FILIP1L: variants seen among roughly 807,000 people sequenced by gnomAD.
The protein encoded by FILIP1L is filamin A interacting protein 1 like, also known as filamin A-interacting protein 1-like.
A neutral mutation model predicts 96.6 loss-of-function variants in FILIP1L; 55 were observed. That is an observed-to-expected ratio of 0.57 (90% confidence interval 0.46 to 0.71). The LOEUF is 0.71. Ranked by LOEUF, FILIP1L falls within the 30% of genes least tolerant of loss-of-function variation. The pLI, the probability that FILIP1L is intolerant of heterozygous loss-of-function variation, is 0.00. For missense variants in FILIP1L, 1,304 were observed against 1,321.2 expected, an observed-to-expected ratio of 0.99 and a Z score of 0.20; for synonymous variants, 467 against 473.9, an observed-to-expected ratio of 0.99 and a Z score of 0.19.
chr3:99,941,762 G>A (rs1707856377), intron 1 of FILIP1L, among the ~76,000 whole-genome samples: 1 of 152,074 alleles, frequency 6.6e-6, no homozygotes, highest in South Asian at 2.1e-4. Context: ...TTTGTAATTT[G>A]TAATAAGTTA....
intron 1 of FILIP1L, among the ~76,000 whole-genome samples, chr3:99,940,900 T>A (rs1259173919): frequency 6.6e-6 from 1 of 152,198 alleles, no homozygotes; most frequent in East Asian, 1.9e-4. Flanking sequence ...TCTAAGGAAC[T>A]GTGACTAGAA....
At chr3:100,006,241 C>A (rs1709982061) in intron 1 of FILIP1L, among the ~76,000 whole-genome samples, 2 of 152,112 alleles carry the variant, frequency 1.3e-5, no homozygotes. Context: ...TTTTCCCCAG[C>A]CCTCAACTGA....
intron 1 of FILIP1L, among the ~76,000 whole-genome samples, chr3:99,960,365 G>C (rs1708455564): frequency 6.6e-6 from 1 of 152,170 alleles, no homozygotes; most frequent in African/African-American, 2.4e-5. Flanking sequence ...CTGGATGTCA[G>C]ATCAAACACT....
At chr3:100,065,093 G>T (rs1016750787) in intron 1 of FILIP1L, among the ~76,000 whole-genome samples, 4 of 152,140 alleles carry the variant, frequency 2.6e-5, no homozygotes, top group African/African-American at 9.7e-5. Flanking sequence ...CCAAATGCCT[G>T]AATTATAAGA....
At chr3:99,869,070 G>T (rs1430460271) in intron 4 of FILIP1L, among the ~76,000 whole-genome samples, 3 of 152,206 alleles carry the variant, frequency 2.0e-5, no homozygotes, top group African/African-American at 7.2e-5. Context: ...CCCTTAGGCT[G>T]AGTGGTACCT....
In FILIP1L at chr3:99,850,153, C is replaced by T. The variant is rs1278569596; in HGVS notation, c.1523G>A (p.Ser508Asn). The T allele has an allele frequency of 6.2e-7, 1 of 1,611,080 alleles. No individual in the cohort carries two copies. ...ATCTTCAGTTTTCTTTAATTTTTCA[C>T]TCATTGTTTTCCGTTCATCTACAAA... ...VMFVDERKTM[S>N]EKLKKTEDKL... The change falls in exon 5 of 6, where the codon AGT becomes AAT. Residue 508 changes from serine (S) to asparagine (N), a missense_variant. By Grantham distance (46) the Ser-to-Asn change is conservative. Transcript: ENST00000477258.
intron 1 of FILIP1L, among the ~76,000 whole-genome samples, chr3:99,979,228 T>C: frequency 6.6e-6 from 1 of 152,208 alleles, no homozygotes; most frequent in East Asian, 1.9e-4. Context: ...CAGTTTTAAA[T>C]AAATAAATTT....
At chr3:99,886,533 T>G (rs1705903114) in intron 4 of FILIP1L, among the ~76,000 whole-genome samples, 1 of 152,148 alleles carries the variant, frequency 6.6e-6, no homozygotes, top group South Asian at 2.1e-4. Flanking sequence ...TTGGACAAGT[T>G]TGGTGTACAG....
intron 5 of FILIP1L, among the ~76,000 whole-genome samples, chr3:99,847,403 G>A (rs1190214258): frequency 2.6e-5 from 4 of 151,692 alleles, no homozygotes. Flanking sequence ...ACAGTGGCTG[G>A]TTCCAGATTT....
intron 4 of FILIP1L, among the ~76,000 whole-genome samples, chr3:99,856,148 T>C (rs550939384): frequency 1.3e-4 from 19 of 151,282 alleles, no homozygotes; most frequent in African/African-American, 4.1e-4. Context: ...TCTGTCCTCA[T>C]AGGACTCTCA....
intron 5 of FILIP1L, among the ~76,000 whole-genome samples, chr3:99,843,927 C>A (rs1943247392): frequency 1.3e-5 from 2 of 152,230 alleles, no homozygotes. Context: ...GCTGAGCACT[C>A]TTTATGAGAC....
intron 4 of FILIP1L, among the ~76,000 whole-genome samples, chr3:99,881,019 G>A (rs951837320): frequency 3.3e-5 from 5 of 152,162 alleles, no homozygotes; most frequent in Admixed American, 2.6e-4. Context: ...TGGTCACAAA[G>A]CCAACTACTG....
At chr3:100,095,470 C>A (rs2066188807) in intron 1 of FILIP1L, among the ~76,000 whole-genome samples, 1 of 151,970 alleles carries the variant, frequency 6.6e-6, no homozygotes. Context: ...AAACAATATA[C>A]TACAGTGAAC....
intron 1 of FILIP1L, among the ~76,000 whole-genome samples, chr3:100,037,936 T>C (rs2065134875): frequency 6.8e-6 from 1 of 146,246 alleles, no homozygotes; most frequent in Non-Finnish European, 1.5e-5. Context: ...TTTAATCGCT[T>C]TTCTTTTTTT....
intron 1 of FILIP1L, among the ~76,000 whole-genome samples, chr3:100,002,683 T>C (rs1462514866): frequency 1.3e-5 from 2 of 152,220 alleles, no homozygotes; most frequent in African/African-American, 4.8e-5. Context: ...AAAAAAGACC[T>C]TGAAGCTCAT....
intron 1 of FILIP1L, among the ~76,000 whole-genome samples, chr3:99,942,685 C>T (rs759272168): frequency 1.3e-5 from 2 of 151,898 alleles, no homozygotes; most frequent in South Asian, 4.2e-4. Flanking sequence ...TATAACTAGC[C>T]GGGCATGGTG....
At chr3:99,910,945 C>G (rs1706768445) in intron 4 of FILIP1L, among the ~76,000 whole-genome samples, 1 of 152,180 alleles carries the variant, frequency 6.6e-6, no homozygotes, top group South Asian at 2.1e-4. Flanking sequence ...GAGATGGAGA[C>G]TGGCCTGTCT....
intron 5 of FILIP1L, among the ~76,000 whole-genome samples, chr3:99,837,901 T>C (rs1321693500): frequency 6.6e-6 from 1 of 152,206 alleles, no homozygotes. Flanking sequence ...TGATTGCCTT[T>C]TCTGAAAGTC....
At chr3:99,836,050 A>C (rs1382570638) in intron 5 of FILIP1L, among the ~76,000 whole-genome samples, 1 of 152,182 alleles carries the variant, frequency 6.6e-6, no homozygotes, top group African/African-American at 2.4e-5. Context: ...CCATGGTAGA[A>C]GGTTTGGACT....
Sources: allele counts gnomAD v4.1 joint callset (sites outside exome capture counted in the v4.1 genomes callset), GRCh38; gene constraint gnomAD v4.1.1; transcripts MANE v1.5; gene names NCBI Gene and HGNC (gene_info 2026-07-23, HGNC 2026-07-21).